The following CDH4 variants were observed in gnomAD, a reference collection of about 807,000 sequenced individuals.
The protein encoded by CDH4 is cadherin 4.
In CDH4, 33 loss-of-function variants were observed where a neutral mutation model predicts 86.0. The observed-to-expected ratio is 0.38, with a 90% CI of 0.29 to 0.51. The LOEUF (loss-of-function observed/expected upper bound fraction) is 0.51. Among genes scored for constraint, CDH4 ranks in the 20% least tolerant of loss-of-function variants. The probability of loss-of-function intolerance (pLI) is 0.86; values close to 1 mark genes in which losing one functional copy is unlikely to be tolerated. For synonymous variants in CDH4, 555 were observed against 549.4 expected (o/e 1.01, Z -0.14); for missense variants, 1,114 against 1,307.4 (o/e 0.85, Z 2.28).
At chr20:61,405,718 G>A (rs1484190246) in intron 2 of CDH4, among the ~76,000 whole-genome samples, 3 of 149,078 alleles carry the variant, frequency 2.0e-5, no homozygotes, top group African/African-American at 7.5e-5. Context: ...TTTTGAGACA[G>A]AGTCTCACTC....
At chr20:61,276,890 G>C (rs2084234323) in intron 2 of CDH4, among the ~76,000 whole-genome samples, 2 of 152,166 alleles carry the variant, frequency 1.3e-5, no homozygotes, top group Admixed American at 1.3e-4. Context: ...AGTAGTTGTA[G>C]TCATCTTTGT....
chr20:61,279,982 C>T (rs1280892087), intron 2 of CDH4, among the ~76,000 whole-genome samples: 1 of 152,130 alleles, frequency 6.6e-6, no homozygotes, highest in Non-Finnish European at 1.5e-5. Flanking sequence ...AGTGGAGACC[C>T]GGCCCAGTGT....
chr20:61,602,694 T>TTAA (rs2086610977), intron 2 of CDH4, among the ~76,000 whole-genome samples: 1 of 89,118 alleles, frequency 1.1e-5, no homozygotes. Flanking sequence ...TTCACTTTAT[T>TTAA]AAAAAAAAAA....
intron 4 of CDH4, among the ~76,000 whole-genome samples, chr20:61,779,272 T>C (rs1176043908): frequency 2.6e-5 from 4 of 152,198 alleles, no homozygotes; most frequent in African/African-American, 9.7e-5. Context: ...GTGGTGCTCC[T>C]GGGTGCGAAT....
chr20:61,716,247 G>T (rs2087951517), intron 2 of CDH4, among the ~76,000 whole-genome samples: 1 of 152,156 alleles, frequency 6.6e-6, no homozygotes, highest in Admixed American at 6.5e-5. Context: ...GAGCTATAAA[G>T]GGACAGATGC....
chr20:61,470,017 T>C (rs1294565443), intron 2 of CDH4, among the ~76,000 whole-genome samples: 1 of 152,218 alleles, frequency 6.6e-6, no homozygotes, highest in Non-Finnish European at 1.5e-5. Context: ...TTGTTCTTTT[T>C]GCTCAGGAGA....
rs1013325501 is a variant in CDH4, at chr20:61,698,571, C to T, written c.170-44992C>T. On this transcript the variant is annotated intron_variant, in intron 2 of 15. Transcript: ENST00000614565. The stretch of plus-strand genomic sequence containing the variant: ...AGCAAAGGCCTCTCCCAGGAAGGCA[C>T]CTGAGCTGGGACTGGTGGGCTTGCA... 3.9e-5 allele frequency among the ~76,000 whole-genome samples: 6 copies of T among 152,238 alleles called. No individual in the cohort carries two copies. In the East Asian group the frequency reaches 1.2e-3, roughly 29 times the overall value.
chr20:61,272,870 TGC>T, intron 2 of CDH4, among the ~76,000 whole-genome samples: 1 of 128,732 alleles, frequency 7.8e-6, no homozygotes, highest in African/African-American at 3.1e-5. Context: ...GAGAGTACCA[TGC>T]GCAGTTTGGG....
At chr20:61,825,386 A>G (rs1410373958) in intron 4 of CDH4, among the ~76,000 whole-genome samples, 1 of 152,214 alleles carries the variant, frequency 6.6e-6, no homozygotes, top group African/African-American at 2.4e-5. Flanking sequence ...TGGGCAACAG[A>G]GTAGGACTCT....
chr20:61,427,119 T>G (rs532506346), intron 2 of CDH4, among the ~76,000 whole-genome samples: 1 of 152,336 alleles, frequency 6.6e-6, no homozygotes, highest in East Asian at 1.9e-4. Context: ...AACAAATAAT[T>G]AAGACAACCT....
At chr20:61,332,873 C>T (rs976583084) in intron 2 of CDH4, among the ~76,000 whole-genome samples, 2 of 152,254 alleles carry the variant, frequency 1.3e-5, no homozygotes, top group Admixed American at 6.5e-5. Flanking sequence ...GCTGTGGTCA[C>T]AGTGCTCATC....
At position 61,602,657 on chromosome 20, in the gene CDH4, G is replaced by A. The variant is rs138005061; in HGVS notation, c.170-140906G>A. Among the ~76,000 whole-genome samples, 349 of 140,404 alleles carry A rather than the reference G, an allele frequency of 2.5e-3. 2 individuals carry two copies. Among genetic ancestry groups the A allele is most frequent in the African/African-American group, 8.9e-3 (331 of 37,172 alleles). The allele number at this position is 140,404 out of a possible 152,430, so 92.1% of individuals were successfully genotyped here. On this transcript the variant is annotated intron_variant, in intron 2 of 15. Coordinates refer to ENST00000614565, the MANE Select transcript of CDH4 (RefSeq NM_001794.5). ...CCTGAAGCTGCAGCCCGTTCTCTGC[G>A]TCGCTTTCTGATGCTGGGTTTATAC...
intron 11 of CDH4, among the ~76,000 whole-genome samples, chr20:61,927,888 G>T (rs538902604): frequency 6.6e-6 from 1 of 152,078 alleles, no homozygotes; most frequent in African/African-American, 2.4e-5. Flanking sequence ...GGCTGTGTGC[G>T]TGTGTGCAGC....
chr20:61,311,436 T>G (rs6028105), intron 2 of CDH4, among the ~76,000 whole-genome samples: 1 of 152,116 alleles, frequency 6.6e-6, no homozygotes, highest in Admixed American at 6.5e-5. Flanking sequence ...CATATAAAGA[T>G]GTAATATAGA....
chr20:61,552,926 A>T (rs1047171920), intron 2 of CDH4, among the ~76,000 whole-genome samples: 1 of 152,176 alleles, frequency 6.6e-6, no homozygotes, highest in Non-Finnish European at 1.5e-5. Flanking sequence ...TTAGCATATG[A>T]CCCAGAAATG....
At chr20:61,675,006 T>C (rs1440842975) in intron 2 of CDH4, among the ~76,000 whole-genome samples, 1 of 152,220 alleles carries the variant, frequency 6.6e-6, no homozygotes, top group African/African-American at 2.4e-5. Flanking sequence ...CCACCCACAA[T>C]ATGTACTGCC....
intron 2 of CDH4, among the ~76,000 whole-genome samples, chr20:61,438,311 T>A (rs552743608): frequency 6.6e-6 from 1 of 152,330 alleles, no homozygotes; most frequent in South Asian, 2.1e-4. Flanking sequence ...CATGAAGAAT[T>A]CACATTATAT....
At chr20:61,305,097 G>GCC (rs1249985943) in intron 2 of CDH4, among the ~76,000 whole-genome samples, 17 of 152,168 alleles carry the variant, frequency 1.1e-4, no homozygotes, top group Non-Finnish European at 2.2e-4. Flanking sequence ...TATGCACTGT[G>GCC]TGTGTGGTGT....
intron 2 of CDH4, among the ~76,000 whole-genome samples, chr20:61,339,058 A>G (rs1400703126): frequency 1.3e-5 from 2 of 152,222 alleles, no homozygotes; most frequent in Non-Finnish European, 2.9e-5. Context: ...ACACACGCAC[A>G]CACCCCCCAT....
Sources: allele counts gnomAD v4.1 joint callset (sites outside exome capture counted in the v4.1 genomes callset), GRCh38; gene constraint gnomAD v4.1.1; transcripts MANE v1.5; gene names NCBI Gene and HGNC (gene_info 2026-07-23, HGNC 2026-07-21).